RAI1: variants seen among roughly 807,000 people sequenced by gnomAD.
The protein encoded by RAI1 is retinoic acid induced 1.
Under a neutral mutation model 123.8 loss-of-function variants are expected in RAI1, and 9 were observed. That is an observed-to-expected ratio of 0.07 (90% CI 0.04 to 0.13). RAI1 has a LOEUF of 0.13. Among genes scored for constraint, RAI1 ranks in the 10% least tolerant of loss-of-function variants. The probability of loss-of-function intolerance (pLI) is 1.00; values close to 1 mark genes in which losing one functional copy is unlikely to be tolerated. For synonymous variants in RAI1, 1,231 were observed against 1,127.3 expected, an observed-to-expected ratio of 1.09 and a Z score of -1.84; for missense variants, 2,256 against 2,545.8, an observed-to-expected ratio of 0.89 and a Z score of 2.45.
intron 2 of RAI1, among the ~76,000 whole-genome samples, chr17:17,769,896 T>A (rs2031081108): frequency 6.6e-6 from 1 of 151,008 alleles, no homozygotes; most frequent in Non-Finnish European, 1.5e-5. Flanking sequence ...GGCTTTGCCC[T>A]CAGGAGGTGG....
intron 2 of RAI1, among the ~76,000 whole-genome samples, chr17:17,758,085 C>G (rs2030520118): frequency 6.6e-6 from 1 of 152,246 alleles, no homozygotes; most frequent in African/African-American, 2.4e-5. Flanking sequence ...ATCAGAAATT[C>G]TGAAACCTTC....
intron 2 of RAI1, among the ~76,000 whole-genome samples, chr17:17,737,367 G>A (rs966278686): frequency 6.6e-6 from 1 of 152,148 alleles, no homozygotes; most frequent in African/African-American, 2.4e-5. Context: ...CACTCCTGCT[G>A]AGCTGCAGAG....
At chr17:17,721,408 T>C (rs1262620420) in intron 1 of RAI1, among the ~76,000 whole-genome samples, 1 of 151,988 alleles carries the variant, frequency 6.6e-6, no homozygotes, top group African/African-American at 2.4e-5. Context: ...AATTACATGG[T>C]ATATTAGAAG....
At chr17:17,805,388 C>T (rs1396911465) in intron 4 of RAI1, among the ~76,000 whole-genome samples, 1 of 152,052 alleles carries the variant, frequency 6.6e-6, no homozygotes, top group Non-Finnish European at 1.5e-5. Context: ...TTGGGTCCAG[C>T]CTCTGTGACC....
chr17:17,760,668 C>T (rs375549303), intron 2 of RAI1, among the ~76,000 whole-genome samples: 2 of 152,224 alleles, frequency 1.3e-5, no homozygotes, highest in Admixed American at 6.5e-5. Context: ...TTGGTCTCCT[C>T]GGCTGTCAAA....
intron 2 of RAI1, among the ~76,000 whole-genome samples, chr17:17,727,220 G>A (rs750697662): frequency 6.6e-5 from 10 of 152,168 alleles, no homozygotes; most frequent in Non-Finnish European, 1.2e-4. Flanking sequence ...CATCAGAGCC[G>A]AAAAGAGCCT....
intron 1 of RAI1, among the ~76,000 whole-genome samples, chr17:17,703,794 T>A (rs1167969799): frequency 6.6e-6 from 1 of 152,158 alleles, no homozygotes; most frequent in Non-Finnish European, 1.5e-5. Flanking sequence ...GCATGAGCCT[T>A]CATGCCTAGC....
At chr17:17,751,394 G>A (rs1283954412) in intron 2 of RAI1, among the ~76,000 whole-genome samples, 1 of 152,200 alleles carries the variant, frequency 6.6e-6, no homozygotes, top group South Asian at 2.1e-4. Context: ...CCAGAACAGT[G>A]ACCTAAGTCT....
intron 1 of RAI1, among the ~76,000 whole-genome samples, chr17:17,716,798 G>T (rs974908982): frequency 2.6e-5 from 4 of 152,188 alleles, no homozygotes; most frequent in African/African-American, 9.7e-5. Flanking sequence ...CTCTGTTGTG[G>T]TCACCACGGC....
At position 17,685,371 on chromosome 17, in the gene RAI1, T is replaced by C. The variant is rs534131298; in HGVS notation, c.-149+3578T>C. Reference sequence around the variant, plus strand: ...AGAAGGTCACAGCCCAGTGGGTGATTGGGACCCAGCTCATAGCCAAGGCCT... The same window carrying C: ...AGAAGGTCACAGCCCAGTGGGTGATCGGGACCCAGCTCATAGCCAAGGCCT... On this transcript the variant is annotated intron_variant, in intron 1 of 5. Transcript: ENST00000353383. The surrounding 1 kb of genome is among the most constrained non-coding windows in gnomAD (Gnocchi z 4.0). 2.0e-5 allele frequency among the ~76,000 whole-genome samples: 3 copies of C among 152,326 alleles called. No individual in the cohort carries two copies. The East Asian group carries it at 5.8e-4, about 29-fold the overall frequency.
intron 2 of RAI1, chr17:17,779,131 G>A (rs887305206): frequency 6.0e-5 from 21 of 348,024 alleles, no homozygotes; most frequent in South Asian, 8.9e-5. Flanking sequence ...TCAGACACAA[G>A]ACAAGGCATC....
intron 2 of RAI1, among the ~76,000 whole-genome samples, chr17:17,753,941 C>A (rs75025963): frequency 0.024 from 3,703 of 152,288 alleles, 150 homozygotes; most frequent in African/African-American, 0.084. Context: ...ACACACACTT[C>A]AACTTTGCAT....
At chr17:17,739,738 G>A (rs1916556143) in intron 2 of RAI1, among the ~76,000 whole-genome samples, 1 of 152,214 alleles carries the variant, frequency 6.6e-6, no homozygotes, top group Admixed American at 6.5e-5. Flanking sequence ...ACTCCACTCT[G>A]AGCAGGCTCA....
chr17:17,795,947 G>T lies in RAI1; in HGVS notation c.2999G>T (p.Ser1000Ile). The change falls in exon 3 of 6, where the codon AGC (serine) becomes ATC (isoleucine). Residue 1000 changes from serine (S) to isoleucine (I), a missense_variant. Ser to Ile is a moderately radical substitution (Grantham distance 142). Around this residue, in one of 7 missense-constraint regions of RAI1, gnomAD observed 566 missense variants for 616.0 expected, o/e 0.92. Coordinates refer to ENST00000353383, the MANE Select transcript of RAI1 (RefSeq NM_030665.4). The surrounding 1 kb of genome is among the most constrained non-coding windows in gnomAD (Gnocchi z 5.9). The part of the protein sequence containing the change: ...EPVPRGKSLR[S>I]RRVHRGLPEA... ...GTGCCACGGGGCAAAAGCTTACGGA[G>T]CCGTCGGGTGCACCGGGGGCTGCCC... 1 of 1,606,488 alleles carries T rather than the reference G, an allele frequency of 6.2e-7. No homozygotes were observed.
At chr17:17,750,689 C>CAAAAAAAAAAAAAA (rs57637022) in intron 2 of RAI1, among the ~76,000 whole-genome samples, 7 of 79,748 alleles carry the variant, frequency 8.8e-5, no homozygotes, top group Admixed American at 1.4e-4. Flanking sequence ...TACTCCGTCT[C>CAAAAAAAAAAAAAA]AAAAAAAAAA....
At chr17:17,806,511 G>A (rs1042170187) in intron 4 of RAI1, among the ~76,000 whole-genome samples, 1 of 152,248 alleles carries the variant, frequency 6.6e-6, no homozygotes, top group African/African-American at 2.4e-5. Context: ...GAAGTAGGGT[G>A]TGGACGTGCA....
chr17:17,767,124 G>T (rs1404706336), intron 2 of RAI1, among the ~76,000 whole-genome samples: 1 of 152,294 alleles, frequency 6.6e-6, no homozygotes, highest in East Asian at 1.9e-4. Flanking sequence ...CTTTGCTGGG[G>T]TGCACACCGT....
Position 17,809,326 on chromosome 17 carries a change from CA to C in RAI1, c.5660-60del, listed in dbSNP as rs1333749240. The C allele has an allele frequency of 1.2e-5, 18 of 1,457,560 alleles. No homozygotes were observed. The highest frequency in any genetic ancestry group is 1.7e-5 in the Admixed American group (1 of 59,772). 90.3% of individuals were successfully genotyped at this position (1,457,560 alleles called of 1,614,324 possible). A position where few individuals can be genotyped will look rare whatever the true frequency, so the allele number is the denominator to read the frequency against. ...GTGCGGCTCCCCTCCTGGCTGCAGA[CA>C]AAACCCCACAGCTGTGGGGCCCCCA... is the stretch of plus-strand genomic sequence containing the variant. On this transcript the variant is annotated intron_variant, in intron 4 of 5. Transcript: ENST00000353383. The surrounding 1 kb of genome is among the most constrained non-coding windows in gnomAD (Gnocchi z 4.9).
intron 4 of RAI1, among the ~76,000 whole-genome samples, chr17:17,808,067 T>C: frequency 6.6e-6 from 1 of 152,188 alleles, no homozygotes; most frequent in East Asian, 1.9e-4. Context: ...GAAGATTGTG[T>C]TGGAGAGAGC....
Sources: allele counts gnomAD v4.1 joint callset (sites outside exome capture counted in the v4.1 genomes callset), GRCh38; gene constraint gnomAD v4.1.1; regional missense constraint gnomAD v4.1.1; non-coding constraint Gnocchi (gnomAD v3.1); transcripts MANE v1.5; gene names NCBI Gene and HGNC (gene_info 2026-07-23, HGNC 2026-07-21).